EXD3: variants seen among roughly 807,000 people sequenced by gnomAD.
EXD3 encodes exonuclease mut-7 homolog.
EXD3 carries 92 observed loss-of-function variants against 98.0 expected under a neutral mutation model. The ratio of observed to expected loss-of-function variants is 0.94; its 90% CI spans 0.79 to 1.12. The LOEUF (loss-of-function observed/expected upper bound fraction) is 1.12, where lower values mean the gene tolerates loss of function less well. Ranked by LOEUF, EXD3 falls within the 50% of genes most tolerant of loss-of-function variation. The pLI is 0.00. For missense variants in EXD3, 1,222 were observed against 1,191.6 expected, an observed-to-expected ratio of 1.03 and a Z score of -0.38; for synonymous variants, 569 against 526.0, an observed-to-expected ratio of 1.08 and a Z score of -1.12.
Position 137,351,338 on chromosome 9 carries a change from T to C in EXD3, c.1364A>G (p.Asp455Gly), listed in dbSNP as rs1374117826. ...FSRLVAQLLS[D>G]PSITKLGYGM... is the part of the protein sequence containing the mutation. ...CTCACCCAGCTTGGTGATAGAGGGG[T>C]CCGAGAGGAGCTGGGCCACCAGCCG... The change falls in exon 13 of 22, where the codon GAC becomes GGC. Residue 455 changes from aspartate to glycine, a missense_variant. Physicochemically the swap from Asp to Gly is moderately conservative, Grantham distance 94. Transcript: ENST00000340951. The C allele has an allele frequency of 6.2e-7, 1 of 1,611,480 alleles. No homozygotes were observed. Among genetic ancestry groups the C allele is most frequent in the Non-Finnish European group, 8.5e-7 (1 of 1,179,526 alleles).
intron 7 of EXD3, among the ~76,000 whole-genome samples, chr9:137,364,771 T>G (rs993380025): frequency 1.0e-4 from 2 of 19,132 alleles, no homozygotes; most frequent in Non-Finnish European, 3.0e-4. Flanking sequence ...TTGTTCTATG[T>G]TTTTTTTTTT....
intron 17 of EXD3, among the ~76,000 whole-genome samples, chr9:137,337,150 A>G (rs1449938294): frequency 1.3e-5 from 2 of 152,208 alleles, no homozygotes; most frequent in African/African-American, 4.8e-5. Flanking sequence ...ACTGGAGTCA[A>G]AGAGGTTCAC....
At chr9:137,415,576 C>T (rs186018343) in intron 1 of EXD3, among the ~76,000 whole-genome samples, 1 of 152,332 alleles carries the variant, frequency 6.6e-6, no homozygotes, top group African/African-American at 2.4e-5. Flanking sequence ...ACCCCACCTC[C>T]CTGCAGCTCA....
At chr9:137,326,857 C>T (rs958931826) in intron 17 of EXD3, among the ~76,000 whole-genome samples, 5 of 151,490 alleles carry the variant, frequency 3.3e-5, no homozygotes, top group Non-Finnish European at 5.9e-5. Context: ...GCTGTATATG[C>T]AAAAGAACTG....
intron 8 of EXD3, among the ~76,000 whole-genome samples, chr9:137,355,909 A>C (rs1834757138): frequency 6.6e-6 from 1 of 152,114 alleles, no homozygotes; most frequent in African/African-American, 2.4e-5. Flanking sequence ...CGACACAGGC[A>C]GGTGTGGCCA....
intron 10 of EXD3, 177 bp downstream of exon 10, chr9:137,354,162 C>G: frequency 7.0e-7 from 1 of 1,425,258 alleles, no homozygotes; most frequent in South Asian, 1.4e-5. Flanking sequence ...TCAGGCCTCC[C>G]GGGCCTGAGG....
intron 3 of EXD3, among the ~76,000 whole-genome samples, chr9:137,376,859 G>A (rs970809428): frequency 6.6e-6 from 1 of 151,354 alleles, no homozygotes; most frequent in Non-Finnish European, 1.5e-5. Context: ...AACTTGGGAG[G>A]CGGAGGTCGC....
chr9:137,308,236 G>A (rs1831154858), intron 20 of EXD3, among the ~76,000 whole-genome samples: 1 of 152,194 alleles, frequency 6.6e-6, no homozygotes. Context: ...AGAAGCGTCT[G>A]CCCTGCTCCT....
intron 16 of EXD3, 44 bp from the exon 17 acceptor site, chr9:137,348,282 C>G: frequency 1.3e-6 from 2 of 1,575,458 alleles, no homozygotes; most frequent in Non-Finnish European, 1.7e-6. Flanking sequence ...CACCCCCCAG[C>G]CCCTCACAGC....
intron 3 of EXD3, among the ~76,000 whole-genome samples, chr9:137,378,975 G>A (rs546462837): frequency 1.7e-4 from 23 of 134,958 alleles, no homozygotes; most frequent in African/African-American, 6.7e-4. Context: ...GCCTGGGGCC[G>A]AGGGGAATGG....
At chr9:137,412,504 G>C (rs2131827665) in intron 1 of EXD3, among the ~76,000 whole-genome samples, 1 of 152,330 alleles carries the variant, frequency 6.6e-6, no homozygotes, top group South Asian at 2.1e-4. Context: ...CCTTCCAGGA[G>C]AAGCAAACAG....
At chr9:137,327,555 C>G (rs933956653) in intron 17 of EXD3, among the ~76,000 whole-genome samples, 1 of 151,838 alleles carries the variant, frequency 6.6e-6, no homozygotes, top group African/African-American at 2.4e-5. Flanking sequence ...TGGTCAATTT[C>G]GTGTTATGTA....
intron 1 of EXD3, among the ~76,000 whole-genome samples, chr9:137,398,583 C>A (rs1837325808): frequency 6.7e-6 from 1 of 149,510 alleles, no homozygotes; most frequent in South Asian, 2.1e-4. Flanking sequence ...CCAAGACACA[C>A]AGGCAACCGC....
chr9:137,316,268 C>T (rs1212922118), intron 19 of EXD3, among the ~76,000 whole-genome samples: 1 of 151,862 alleles, frequency 6.6e-6, no homozygotes, highest in African/African-American at 2.4e-5. Flanking sequence ...CCACTCAGGG[C>T]GCCCGGCGGA....
intron 1 of EXD3, among the ~76,000 whole-genome samples, chr9:137,412,793 T>C (rs2084559884): frequency 6.6e-6 from 1 of 152,226 alleles, no homozygotes; most frequent in African/African-American, 2.4e-5. Context: ...TTATTTAATT[T>C]TTTTGAGACA....
At chr9:137,309,083 CGGCGG>C (rs372907553) in intron 20 of EXD3, among the ~76,000 whole-genome samples, 1 of 152,154 alleles carries the variant, frequency 6.6e-6, no homozygotes, top group African/African-American at 2.4e-5. Context: ...GTTCTAATGG[CGGCGG>C]GGCGGGGGCC....
chr9:137,325,553 C>T (rs1832353535), intron 17 of EXD3, among the ~76,000 whole-genome samples: 1 of 152,156 alleles, frequency 6.6e-6, no homozygotes, highest in Non-Finnish European at 1.5e-5. Context: ...ATGCCTCAGC[C>T]TCCCAAGTAG....
intron 5 of EXD3, among the ~76,000 whole-genome samples, chr9:137,369,377 G>A (rs1588366341): frequency 6.6e-6 from 1 of 152,176 alleles, no homozygotes; most frequent in African/African-American, 2.4e-5. Context: ...GAAGGCAGGG[G>A]TGCAGGGCCG....
chr9:137,354,287 G>A, intron 10 of EXD3, 52 bp downstream of exon 10: 1 of 1,602,304 alleles, frequency 6.2e-7, no homozygotes, highest in Non-Finnish European at 8.5e-7. Flanking sequence ...TGTGCCCCTA[G>A]GACAGCCGCC....
Sources: gnomAD v4.1 joint callset for allele counts (sites outside exome capture counted in the v4.1 genomes callset) on GRCh38, gnomAD v4.1.1 for gene constraint, MANE v1.5 for transcripts, NCBI Gene and HGNC (gene_info 2026-07-23, HGNC 2026-07-21) for gene names.